Variants in NRXN3 observed in about 807,000 individuals in gnomAD.
NRXN3 encodes the protein neurexin III.
Under a neutral mutation model 137.6 loss-of-function variants are expected in NRXN3, and 32 were observed. The observed-to-expected ratio is 0.23, with a 90% CI of 0.18 to 0.31. The LOEUF (loss-of-function observed/expected upper bound fraction) is 0.31. Among genes scored for constraint, NRXN3 ranks in the 10% least tolerant of loss-of-function variants. The pLI is 1.00. For missense variants in NRXN3, 1,574 were observed against 2,062.5 expected (o/e 0.76, Z 4.59); for synonymous variants, 798 against 784.5 (o/e 1.02, Z -0.29).
At chr14:79,740,764 AT>A (rs1467037171) in intron 19 of NRXN3, among the ~76,000 whole-genome samples, 13 of 99,366 alleles carry the variant, frequency 1.3e-4, no homozygotes, top group African/African-American at 4.9e-4. Context: ...ATATATATAT[AT>A]ATAACCTTAC....
chr14:78,337,886 A>G (rs1249819884), intron 4 of NRXN3, among the ~76,000 whole-genome samples: 1 of 152,040 alleles, frequency 6.6e-6, no homozygotes, highest in African/African-American at 2.4e-5. Flanking sequence ...AGTTGGGTGG[A>G]CTCACAGTCA....
chr14:78,670,239 A>G (rs1046963414), intron 6 of NRXN3, among the ~76,000 whole-genome samples: 1 of 152,122 alleles, frequency 6.6e-6, no homozygotes, highest in African/African-American at 2.4e-5. Context: ...ATGTGCCATA[A>G]TTTCTTAATC....
At chr14:79,177,760 G>T (rs527330027) in intron 15 of NRXN3, among the ~76,000 whole-genome samples, 9 of 152,276 alleles carry the variant, frequency 5.9e-5, no homozygotes, top group African/African-American at 2.2e-4. Context: ...TTGCTAAATG[G>T]TAACGAAAAT....
chr14:79,132,166 A>T (rs1236628990), intron 15 of NRXN3, among the ~76,000 whole-genome samples: 1 of 152,248 alleles, frequency 6.6e-6, no homozygotes, highest in Non-Finnish European at 1.5e-5. Context: ...GGAGCTGTAG[A>T]CCAGAGCTGT....
intron 2 of NRXN3, among the ~76,000 whole-genome samples, chr14:78,267,850 A>T (rs11159345): frequency 0.26 from 40,290 of 152,092 alleles, 5,988 homozygotes; most frequent in Non-Finnish European, 0.34. Flanking sequence ...CTTGGTTCAT[A>T]AGATTGGTGA....
At chr14:78,990,254 G>C (rs1225514813) in intron 15 of NRXN3, among the ~76,000 whole-genome samples, 1 of 151,922 alleles carries the variant, frequency 6.6e-6, no homozygotes, top group East Asian at 1.9e-4. Flanking sequence ...TTGGGAAACT[G>C]CCTCTCTAAC....
At chr14:79,016,299 T>C (rs759765126) in intron 15 of NRXN3, among the ~76,000 whole-genome samples, 14 of 152,172 alleles carry the variant, frequency 9.2e-5, no homozygotes, top group Middle Eastern at 3.2e-3. Flanking sequence ...TTTAGAAGGT[T>C]TTCTTCTCCC....
chr14:78,892,254 C>A (rs1213337517), intron 10 of NRXN3, among the ~76,000 whole-genome samples: 1 of 151,964 alleles, frequency 6.6e-6, no homozygotes, highest in African/African-American at 2.4e-5. Flanking sequence ...ATTACTTTCA[C>A]GTGGAGACAT....
rs17107393 is a variant in NRXN3, at chr14:78,345,258, C to T, written c.757+47398C>T. On this transcript the variant is annotated intron_variant, in intron 4 of 20. Transcript: ENST00000335750. ...CTTTTGCCAAGTAGTTCAGCTTTTACTAAGGGCACCCGGGTTTATGGCAGC... is the reference window on the plus strand; with the variant it reads ...CTTTTGCCAAGTAGTTCAGCTTTTATTAAGGGCACCCGGGTTTATGGCAGC... Among the ~76,000 whole-genome samples, 1,268 of 152,238 alleles carry T rather than the reference C, an allele frequency of 8.3e-3. 41 individuals are homozygous for T. In the East Asian group the frequency reaches 0.09, roughly 11 times the overall value.
intron 15 of NRXN3, among the ~76,000 whole-genome samples, chr14:79,179,197 A>C (rs56388152): frequency 0.26 from 40,013 of 152,048 alleles, 6,094 homozygotes; most frequent in Non-Finnish European, 0.35. Flanking sequence ...GATGTTTATG[A>C]GATTTCAAGC....
chr14:79,482,048 T>G (rs2096614098), intron 16 of NRXN3, among the ~76,000 whole-genome samples: 4 of 152,164 alleles, frequency 2.6e-5, no homozygotes. Flanking sequence ...GTGGGAAAGT[T>G]GCAAATCTTG....
chr14:78,190,610 C>CT (rs1253550762), intron 1 of NRXN3, among the ~76,000 whole-genome samples: 1 of 146,652 alleles, frequency 6.8e-6, no homozygotes. Flanking sequence ...GTGTCAGTAA[C>CT]ATTTATTTAT....
At chr14:79,152,140 C>A (rs1051418795) in intron 15 of NRXN3, among the ~76,000 whole-genome samples, 1 of 151,980 alleles carries the variant, frequency 6.6e-6, no homozygotes, top group Non-Finnish European at 1.5e-5. Flanking sequence ...CGTGCTGTTT[C>A]TTCTTTCCTT....
chr14:78,497,014 T>A (rs775053678), intron 4 of NRXN3, among the ~76,000 whole-genome samples: 19 of 152,122 alleles, frequency 1.2e-4, no homozygotes, highest in Non-Finnish European at 2.5e-4. Context: ...TTTCTTGCCC[T>A]ATGATTCCAG....
intron 16 of NRXN3, among the ~76,000 whole-genome samples, chr14:79,631,714 A>C (rs2098350896): frequency 6.6e-6 from 1 of 151,664 alleles, no homozygotes; most frequent in Non-Finnish European, 1.5e-5. Flanking sequence ...GTAAACACCC[A>C]ATCAGCACTC....
intron 8 of NRXN3, among the ~76,000 whole-genome samples, chr14:78,722,016 A>G (rs984423555): frequency 6.6e-6 from 1 of 151,846 alleles, no homozygotes. Flanking sequence ...AAGCTTTTCC[A>G]TAGTACATGA....
intron 19 of NRXN3, among the ~76,000 whole-genome samples, chr14:79,753,611 A>C (rs1053857546): frequency 7.9e-5 from 12 of 151,244 alleles, no homozygotes; most frequent in Admixed American, 2.0e-4. Flanking sequence ...AGGAAATATA[A>C]CTAATGCTAA....
Position 79,219,074 on chromosome 14 carries a change from AT to A in NRXN3, c.3262+230939del, listed in dbSNP as rs2069047768. Among the ~76,000 whole-genome samples the A allele has an allele frequency of 2.0e-5, 3 of 152,056 alleles. No homozygotes were observed. In the South Asian group the frequency reaches 6.2e-4, roughly 32 times the overall value. ...AAAACTGCTCTAAAAAATAAGGTCT[AT>A]TTTTTAAAAGTATATAAATGTTAGT... On this transcript the variant is annotated intron_variant, in intron 15 of 20. Transcript: ENST00000335750.
In NRXN3 at chr14:78,488,917, G is replaced by T. The variant is rs561186096; in HGVS notation, c.758-156203G>T. ...AGAGATGAGGAAAGGGAGAGGTAAA[G>T]AAGAGAGAGAAATTAGTGTAGGTAG... is the stretch of plus-strand genomic sequence containing the variant. On this transcript the variant is annotated intron_variant, in intron 4 of 20. Coordinates refer to ENST00000335750, the MANE Select transcript of NRXN3 (RefSeq NM_001330195.2). 1.1e-4 allele frequency among the ~76,000 whole-genome samples: 17 copies of T among 152,164 alleles called. 1 individual carries two copies. Among genetic ancestry groups the T allele is most frequent in the Middle Eastern group, 3.4e-3 (1 of 294 alleles).
Sources: allele counts gnomAD v4.1 joint callset (sites outside exome capture counted in the v4.1 genomes callset), GRCh38; gene constraint gnomAD v4.1.1; transcripts MANE v1.5; gene names NCBI Gene and HGNC (gene_info 2026-07-23, HGNC 2026-07-21).